The following SPNS2 variants were observed in gnomAD, a reference collection of about 807,000 sequenced individuals.
SPNS2 encodes the protein sphingosine-1-phosphate transporter SPNS2.
SPNS2 carries 37 observed loss-of-function variants against 57.6 expected under a neutral mutation model. The observed-to-expected ratio is 0.64, with a 90% confidence interval of 0.49 to 0.85. The LOEUF (loss-of-function observed/expected upper bound fraction) is 0.85, where lower values mean the gene tolerates loss of function less well. Ranked by LOEUF, SPNS2 falls within the 40% of genes least tolerant of loss-of-function variation. The probability of loss-of-function intolerance (pLI) is 0.00; values close to 1 mark genes in which losing one functional copy is unlikely to be tolerated. For missense variants in SPNS2, 831 were observed against 779.1 expected (o/e 1.07, Z -0.79); for synonymous variants, 440 against 346.9 (o/e 1.27, Z -2.98).
intron 1 of SPNS2, among the ~76,000 whole-genome samples, chr17:4,503,497 C>T (rs1025360540): frequency 6.6e-6 from 1 of 152,218 alleles, no homozygotes; most frequent in Non-Finnish European, 1.5e-5. Flanking sequence ...GCCAGAGCCA[C>T]CTCTGCCACC....
intron 3 of SPNS2, among the ~76,000 whole-genome samples, chr17:4,530,309 A>T (rs1209161626): frequency 2.6e-5 from 4 of 152,140 alleles, no homozygotes; most frequent in Admixed American, 6.5e-5. Flanking sequence ...TTGGTGGAGT[A>T]GTGGAGACAT....
rs1332689403 is a variant in SPNS2, at chr17:4,536,298, C to G, written c.1479C>G (p.Ser493=). The G allele has an allele frequency of 6.2e-7, 1 of 1,612,728 alleles. No individual in the cohort carries two copies. Among genetic ancestry groups the G allele is most frequent in the Non-Finnish European group, 8.5e-7 (1 of 1,179,976 alleles). ...TGATCCGCCAGAGCACTAAGGACTCCCCGCTCTGGGAGTTCCTGAGCCTGG... is the reference window on the plus strand; with the variant it reads ...TGATCCGCCAGAGCACTAAGGACTCGCCGCTCTGGGAGTTCCTGAGCCTGG... The part of the protein sequence containing the change: ...SDLIRQSTKD[S]PLWEFLSLGY... Residue 493 remains serine (S), a synonymous_variant, in exon 11 of 13, where the codon TCC becomes TCG. Transcript: ENST00000329078.
intron 1 of SPNS2, among the ~76,000 whole-genome samples, chr17:4,505,450 T>G (rs1904648309): frequency 6.6e-6 from 1 of 152,012 alleles, no homozygotes; most frequent in Non-Finnish European, 1.5e-5. Flanking sequence ...AGGGCCTGAG[T>G]CTCCAGGAAG....
At chr17:4,532,920 G>A in intron 6 of SPNS2, 57 bp from the exon 7 acceptor site, 1 of 1,573,232 alleles carries the variant, frequency 6.4e-7, no homozygotes, top group Non-Finnish European at 8.6e-7. Flanking sequence ...GCATGGGGCT[G>A]CCTAGGGGGG....
Position 4,512,708 on chromosome 17 carries a change from A to G in SPNS2, c.371-539A>G, listed in dbSNP as rs898345899. ...TGTATGCATGTGTGCAGGTGTGTGC[A>G]CACACGTGCGTGCGTGTGCAGGTGT... On this transcript the variant is annotated intron_variant, in intron 1 of 12. Coordinates refer to ENST00000329078, the MANE Select transcript of SPNS2 (RefSeq NM_001124758.3). This position sits in a 1 kb window ranked among gnomAD's most constrained non-coding sequence, Gnocchi z 5.2. Among the ~76,000 whole-genome samples, 4 of 148,342 alleles carry G rather than the reference A, an allele frequency of 2.7e-5. No individual in the cohort carries two copies. The South Asian group carries it at 8.4e-4, about 31-fold the overall frequency.
Position 4,498,952 on chromosome 17 carries a change from G to A in SPNS2, c.-96G>A. 9 of 781,102 alleles carry A rather than the reference G, an allele frequency of 1.2e-5. No homozygotes were observed. Among genetic ancestry groups the A allele is most frequent in the Non-Finnish European group, 1.4e-5 (9 of 644,184 alleles). The allele number at this position is 781,102 out of a possible 1,614,324, so 48.4% of individuals were successfully genotyped here. ...GGAGCCGACGGGGCCCGACCAGGAT[G>A]GTGCAGTGGCGGCTCCGCGGCGCAC... On this transcript the variant is annotated 5_prime_UTR_variant, in exon 1 of 13. An upstream start codon of the reference 5' UTR is lost. Transcript: ENST00000329078.
At chr17:4,502,068 C>G (rs1904527978) in intron 1 of SPNS2, among the ~76,000 whole-genome samples, 1 of 152,124 alleles carries the variant, frequency 6.6e-6, no homozygotes, top group South Asian at 2.1e-4. Context: ...CATATTTCAA[C>G]ATGTAATCAA....
At position 4,536,943 on chromosome 17, in the gene SPNS2, G is replaced by GGTGGTGA. The variant is rs1335309348; in HGVS notation, c.*4+1_*4+7dup. On this transcript the variant is annotated 3_prime_UTR_variant, in exon 12 of 13. Transcript: ENST00000329078. ...GCCGCCCGCATCTGTGAAAGTCTGA[G>GGTGGTGA]GTGGTGAGTGCAGGCCGGGAGGCAC... 5.0e-6 allele frequency: 8 copies of GGTGGTGA among 1,613,632 alleles called. No homozygotes were observed. In the East Asian group the frequency reaches 1.8e-4, roughly 36 times the overall value.
At chr17:4,525,870 C>A (rs776653946) in intron 3 of SPNS2, among the ~76,000 whole-genome samples, 17 of 152,316 alleles carry the variant, frequency 1.1e-4, no homozygotes, top group Non-Finnish European at 1.6e-4. Flanking sequence ...CTCAGCCAGT[C>A]ATTGTTTCTG....
chr17:4,523,711 T>C (rs896331217), intron 2 of SPNS2, among the ~76,000 whole-genome samples: 3 of 152,190 alleles, frequency 2.0e-5, no homozygotes, highest in African/African-American at 7.2e-5. Flanking sequence ...CATTGCACTC[T>C]AGCATGGGTG....
At position 4,510,215 on chromosome 17, in the gene SPNS2, GCCCTGCT is replaced by G. The variant is rs951015791; in HGVS notation, c.371-3026_371-3020del. 7.2e-5 allele frequency among the ~76,000 whole-genome samples: 11 copies of G among 152,252 alleles called. No homozygotes were observed. Among genetic ancestry groups the G allele is most frequent in the Admixed American group, 5.9e-4 (9 of 15,290 alleles). ...CCTTGGGCCTCGCAGCCTGCAGGAAGCCCTGCTCCCTGGGAAGGTTCTCTCTGGTCTT... is the reference window on the plus strand; with the variant it reads ...CCTTGGGCCTCGCAGCCTGCAGGAAGCCCTGGGAAGGTTCTCTCTGGTCTT... On this transcript the variant is annotated intron_variant, in intron 1 of 12. Coordinates refer to ENST00000329078, the MANE Select transcript of SPNS2 (RefSeq NM_001124758.3). This position sits in a 1 kb window ranked among gnomAD's most constrained non-coding sequence, Gnocchi z 4.4.
At chr17:4,534,947 T>C (rs1905701819) in intron 9 of SPNS2, among the ~76,000 whole-genome samples, 1 of 152,084 alleles carries the variant, frequency 6.6e-6, no homozygotes, top group Non-Finnish European at 1.5e-5. Flanking sequence ...GTTTATTAAG[T>C]GTAACAGTTT....
intron 1 of SPNS2, among the ~76,000 whole-genome samples, chr17:4,504,835 T>C (rs896026331): frequency 1.3e-5 from 2 of 152,276 alleles, no homozygotes; most frequent in South Asian, 4.1e-4. Context: ...AAATTCTGAC[T>C]CTCTCTGATC....
chr17:4,501,565 C>T (rs1316836836), intron 1 of SPNS2, among the ~76,000 whole-genome samples: 1 of 152,180 alleles, frequency 6.6e-6, no homozygotes, highest in South Asian at 2.1e-4. Flanking sequence ...GGAGCTCACA[C>T]ACCACCCCAC....
At chr17:4,517,039 C>T (rs1177177797) in intron 2 of SPNS2, among the ~76,000 whole-genome samples, 2 of 152,236 alleles carry the variant, frequency 1.3e-5, no homozygotes, top group East Asian at 1.9e-4. Context: ...GCTCAGTTTC[C>T]GGGCCTGGGG....
chr17:4,532,252 C>T (rs186140747), intron 5 of SPNS2, among the ~76,000 whole-genome samples: 12 of 152,280 alleles, frequency 7.9e-5, no homozygotes, highest in Non-Finnish European at 1.0e-4. Flanking sequence ...TCTATCCACC[C>T]ACTGCTCCAC....
At chr17:4,501,342 AGGGCTG>A (rs1166830298) in intron 1 of SPNS2, among the ~76,000 whole-genome samples, 1 of 151,974 alleles carries the variant, frequency 6.6e-6, no homozygotes, top group Non-Finnish European at 1.5e-5. Context: ...GGGATCAGGG[AGGGCTG>A]GCACTTATCT....
At chr17:4,527,424 A>G (rs2144352904) in intron 3 of SPNS2, among the ~76,000 whole-genome samples, 1 of 152,378 alleles carries the variant, frequency 6.6e-6, no homozygotes, top group Middle Eastern at 3.4e-3. Flanking sequence ...AGAACTATCT[A>G]TCCATCTGGA....
At chr17:4,532,784 C>G (rs1267107782) in intron 6 of SPNS2, 100 bp downstream of exon 6, 1 of 1,475,558 alleles carries the variant, frequency 6.8e-7, no homozygotes, top group Non-Finnish European at 9.2e-7. Context: ...CAGCCAGACA[C>G]CCCACCTCTG....
Sources: allele counts gnomAD v4.1 joint callset (sites outside exome capture counted in the v4.1 genomes callset), GRCh38; gene constraint gnomAD v4.1.1; non-coding constraint Gnocchi (gnomAD v3.1); transcripts MANE v1.5; gene names NCBI Gene and HGNC (gene_info 2026-07-23, HGNC 2026-07-21).